Variants in HBQ1 observed in about 807,000 individuals in gnomAD.
HBQ1 encodes hemoglobin subunit theta 1, also known as hemoglobin subunit theta-1.
Under a neutral mutation model 8.2 loss-of-function variants are expected in HBQ1, and 9 were observed. The ratio of observed to expected loss-of-function variants is 1.10; its 90% CI spans 0.66 to 1.92. HBQ1 has a LOEUF of 1.92. Among genes scored for constraint, HBQ1 ranks in the 40% most tolerant of loss-of-function variants. HBQ1 has a pLI of 0.00. For synonymous variants in HBQ1, 102 were observed against 100.0 expected, an observed-to-expected ratio of 1.02 and a Z score of -0.12; for missense variants, 216 against 189.3, an observed-to-expected ratio of 1.14 and a Z score of -0.83.
rs1902245310 is a variant in HBQ1 at position 180,733 on chromosome 16, C to A, written c.163C>A (p.Gln55Lys). The change falls in exon 2 of 3, where the codon CAA becomes AAA. Residue 55 changes from glutamine (Q) to lysine (K), a missense_variant. Transcript: ENST00000199708. ...CCTGGACCTGAGCCCCGGCTCCTCA[C>A]AAGTCAGAGCCCACGGCCAGAAGGT... ...SHLDLSPGSS[Q>K]VRAHGQKVAD... 6.3e-6 allele frequency: 10 copies of A among 1,593,938 alleles called. No homozygotes were observed. Among genetic ancestry groups the A allele is most frequent in the Non-Finnish European group, 8.5e-6 (10 of 1,171,902 alleles).
Position 181,105 on chromosome 16 carries a change from C to T in HBQ1, c.426C>T (p.Arg142=). Residue 142 remains arginine (R), a synonymous_variant, in exon 3 of 3, where the codon CGC becomes CGT. Coordinates refer to ENST00000199708, the MANE Select transcript of HBQ1 (RefSeq NM_005331.5). ...HVISALVSEY[R] is the part of the protein sequence containing the mutation. ...TCTCGGCGCTGGTTTCCGAGTACCG[C>T]TGAACTGTGGGTGGGTGGCCGCGGG... The T allele has an allele frequency of 2.5e-6, 4 of 1,612,898 alleles. No homozygotes were observed. Among genetic ancestry groups the T allele is most frequent in the Non-Finnish European group, 3.4e-6 (4 of 1,179,740 alleles).
rs780729527 is a variant in HBQ1 at position 180,872 on chromosome 16, T to G, written c.300+2T>G. On this transcript the variant is annotated splice_donor_variant, in intron 2 of 2. Transcript: ENST00000199708. LOFTEE classifies it high-confidence loss of function. Reference sequence around the variant, plus strand: ...CGAGTGGACCCGGCCAGCTTCCAGGTGAGCGGCTGCCGTGCTGGGCCCCTG... The same window carrying G: ...CGAGTGGACCCGGCCAGCTTCCAGGGGAGCGGCTGCCGTGCTGGGCCCCTG... The G allele has an allele frequency of 2.0e-6, 3 of 1,531,940 alleles. No homozygotes were observed. Among genetic ancestry groups the G allele is most frequent in the Non-Finnish European group, 2.6e-6 (3 of 1,141,918 alleles). 94.9% of individuals were successfully genotyped at this position (1,531,940 alleles called of 1,614,324 possible).
rs768072211 is a variant in HBQ1 at position 181,157 on chromosome 16, G to A, written c.*49G>A. The A allele has an allele frequency of 1.9e-6, 3 of 1,604,032 alleles. No homozygotes were observed. The highest frequency in any genetic ancestry group is 2.6e-6 in the Non-Finnish European group (3 of 1,173,290). Reference sequence around the variant, plus strand: ...TCCCCAGGCGACCTTCCCCGTGTTTGAGTAAAGCCTCTCCCAGGAGCAGCC... The same window carrying A: ...TCCCCAGGCGACCTTCCCCGTGTTTAAGTAAAGCCTCTCCCAGGAGCAGCC... On this transcript the variant is annotated 3_prime_UTR_variant, in exon 3 of 3. Coordinates refer to ENST00000199708, the MANE Select transcript of HBQ1 (RefSeq NM_005331.5).
rs1484801434 is a variant in HBQ1 at position 180,822 on chromosome 16, G to C, written c.252G>C (p.Leu84=). The C allele has an allele frequency of 6.4e-7, 1 of 1,550,974 alleles. No individual in the cohort carries two copies. Among genetic ancestry groups the C allele is most frequent in the Non-Finnish European group, 8.7e-7 (1 of 1,152,292 alleles). ...LDDLPHALSA[L]SHLHACQLRV... is the part of the protein sequence containing the mutation. ...ACCTACCCCACGCGCTGTCCGCGCT[G>C]AGCCACCTGCACGCGTGCCAGCTGC... Residue 84 remains leucine (L), a synonymous_variant, in exon 2 of 3, where the codon CTG becomes CTC. Transcript: ENST00000199708.
Position 180,780 on chromosome 16 carries a change from C to A in HBQ1, c.210C>A (p.Ala70=), listed in dbSNP as rs1264644763. The stretch of plus-strand genomic sequence containing the variant: ...AGGTGGCGGACGCGCTGAGCCTCGC[C>A]GTGGAGCGCCTGGACGACCTACCCC... ...GQKVADALSL[A]VERLDDLPHA... Residue 70 remains alanine (A), a synonymous_variant, in exon 2 of 3, where the codon GCC becomes GCA. Transcript: ENST00000199708. 3 of 1,568,456 alleles carry A rather than the reference C, an allele frequency of 1.9e-6. No individual in the cohort carries two copies. Among genetic ancestry groups the A allele is most frequent in the Non-Finnish European group, 2.6e-6 (3 of 1,159,700 alleles).
Position 180,597 on chromosome 16 carries a change from C to T in HBQ1, c.95+16C>T. On this transcript the variant is annotated intron_variant, in intron 1 of 2. Transcript: ENST00000199708. Reference sequence around the variant, plus strand: ...CCCTGGAAAGGTGCGGCAGGCTGGGCGCCCCCGCCCCCAGGGGCCCTCCCT... The same window carrying T: ...CCCTGGAAAGGTGCGGCAGGCTGGGTGCCCCCGCCCCCAGGGGCCCTCCCT... The T allele has an allele frequency of 1.3e-6, 2 of 1,533,256 alleles. 1 individual carries two copies. Among genetic ancestry groups the T allele is most frequent in the Middle Eastern group, 3.9e-4 (2 of 5,152 alleles). The allele number at this position is 1,533,256 out of a possible 1,614,324, so 95.0% of individuals were successfully genotyped here.
chr16:180,537 G>C lies in HBQ1; in HGVS notation c.51G>C (p.Lys17Asn). ...CGCTGGTGCGCGCCCTGTGGAAGAA[G>C]CTGGGCAGCAACGTCGGCGTCTACA... is the stretch of plus-strand genomic sequence containing the variant. ...DRALVRALWKKLGSNVGVYTT... is the reference protein window; with the variant it reads ...DRALVRALWKNLGSNVGVYTT... The change falls in exon 1 of 3, where the codon AAG becomes AAC. Residue 17 changes from lysine (K) to asparagine (N), a missense_variant. By Grantham distance (94) the Lys-to-Asn change is moderately conservative (BLOSUM62 0). Transcript: ENST00000199708. The C allele has an allele frequency of 6.5e-7, 1 of 1,539,060 alleles. No homozygotes were observed. The highest frequency in any genetic ancestry group is 8.7e-7 in the Non-Finnish European group (1 of 1,145,888).
chr16:180,478 AGC>A lies in HBQ1; in HGVS notation c.-5_-4del. ...GGGGTCGCAGGGCGCGGCGGGTTCC[AGC>A]GCGGGGATGGCGCTGTCCGCGGAGG... is the stretch of plus-strand genomic sequence containing the variant. On this transcript the variant is annotated 5_prime_UTR_variant, in exon 1 of 3. Transcript: ENST00000199708. 1 of 1,483,648 alleles carries A rather than the reference AGC, an allele frequency of 6.7e-7. No homozygotes were observed. Among genetic ancestry groups the A allele is most frequent in the Middle Eastern group, 2.4e-4 (1 of 4,182 alleles). The allele number at this position is 1,483,648 out of a possible 1,614,324, so 91.9% of individuals were successfully genotyped here. A position where few individuals can be genotyped will look rare whatever the true frequency, so the allele number is the denominator to read the frequency against.
Position 180,864 on chromosome 16 carries a change from C to T in HBQ1, c.294C>T (p.Ser98=). 1 of 1,534,458 alleles carries T rather than the reference C, an allele frequency of 6.5e-7. No homozygotes were observed. Among genetic ancestry groups the T allele is most frequent in the Non-Finnish European group, 8.7e-7 (1 of 1,143,034 alleles). ...HACQLRVDPA[S]FQLLGHCLLV... is the part of the protein sequence containing the mutation. ...GCCAGCTGCGAGTGGACCCGGCCAG[C>T]TTCCAGGTGAGCGGCTGCCGTGCTG... Residue 98 remains serine, a synonymous_variant, in exon 2 of 3, where the codon AGC becomes AGT. Transcript: ENST00000199708.
At chr16:180,632 C>T (rs1007598723) in intron 1 of HBQ1, 34 bp from the exon 2 acceptor site, 4 of 1,536,516 alleles carry the variant, frequency 2.6e-6, no homozygotes, top group African/African-American at 1.4e-5. Context: ...TCCCCAAGCC[C>T]CCCGGACGCG....
At position 180,836 on chromosome 16, in the gene HBQ1, C is replaced by T; in HGVS notation, c.266C>T (p.Ala89Val). 1 of 1,545,696 alleles carries T rather than the reference C, an allele frequency of 6.5e-7. No individual in the cohort carries two copies. ...HALSALSHLH[A>V]CQLRVDPASF... is the part of the protein sequence containing the mutation. ...CTGTCCGCGCTGAGCCACCTGCACG[C>T]GTGCCAGCTGCGAGTGGACCCGGCC... The change falls in exon 2 of 3, where the codon GCG (alanine) becomes GTG (valine). Residue 89 changes from alanine to valine, a missense_variant. Transcript: ENST00000199708.
At position 180,876 on chromosome 16, in the gene HBQ1, C is replaced by A; in HGVS notation, c.300+6C>A. On this transcript the variant is annotated splice_donor_region_variant and intron_variant, in intron 2 of 2. Transcript: ENST00000199708. ...TGGACCCGGCCAGCTTCCAGGTGAG[C>A]GGCTGCCGTGCTGGGCCCCTGTCCC... The A allele has an allele frequency of 6.5e-7, 1 of 1,530,040 alleles. No individual in the cohort carries two copies. Among genetic ancestry groups the A allele is most frequent in the Non-Finnish European group, 8.8e-7 (1 of 1,140,958 alleles). The allele number at this position is 1,530,040 out of a possible 1,614,324, so 94.8% of individuals were successfully genotyped here. A position where few individuals can be genotyped will look rare whatever the true frequency, so the allele number is the denominator to read the frequency against.
intron 1 of HBQ1, 29 bp downstream of exon 1, chr16:180,610 A>G: frequency 6.4e-6 from 9 of 1,408,664 alleles, no homozygotes; most frequent in African/African-American, 1.4e-5. Context: ...CCCCGCCCCC[A>G]GGGGCCCTCC....
rs1320068343 is a variant in HBQ1 at position 180,920 on chromosome 16, GT to G, written c.300+51del. ...CTGTCCCCGGGAGGGCCCCGGCGGG[GT>G]GGGTGCGGGGGGCGTGCGGGGCGGG... On this transcript the variant is annotated intron_variant, in intron 2 of 2. Transcript: ENST00000199708. 2.0e-6 allele frequency: 3 copies of G among 1,510,570 alleles called. No homozygotes were observed. In the Admixed American group the frequency reaches 6.3e-5, roughly 32 times the overall value. 93.6% of individuals were successfully genotyped at this position (1,510,570 alleles called of 1,614,324 possible).
chr16:180,902 C>A, intron 2 of HBQ1, 32 bp downstream of exon 2: 1 of 1,513,056 alleles, frequency 6.6e-7, no homozygotes, highest in African/African-American at 1.4e-5. Context: ...CCCCTGTCCC[C>A]GGGAGGGCCC....
At position 180,554 on chromosome 16, in the gene HBQ1, G is replaced by C; in HGVS notation, c.68G>C (p.Gly23Ala). ...ALWKKLGSNV[G>A]VYTTEALERT... ...TGGAAGAAGCTGGGCAGCAACGTCG[G>C]CGTCTACACGACAGAGGCCCTGGAA... The change falls in exon 1 of 3, where the codon GGC becomes GCC. Residue 23 changes from glycine (G) to alanine (A), a missense_variant. By Grantham distance (60) the Gly-to-Ala change is moderately conservative. Transcript: ENST00000199708. 2 of 1,540,416 alleles carry C rather than the reference G, an allele frequency of 1.3e-6. No homozygotes were observed. The highest frequency in any genetic ancestry group is 1.7e-6 in the Non-Finnish European group (2 of 1,145,970).
In HBQ1 at chr16:180,765, C is replaced by T. The variant is rs762914485; in HGVS notation, c.195C>T (p.Asp65=). 5 of 1,576,664 alleles carry T rather than the reference C, an allele frequency of 3.2e-6. No homozygotes were observed. The highest frequency in any genetic ancestry group is 2.3e-5 in the East Asian group (1 of 42,622). ...QVRAHGQKVA[D]ALSLAVERLD... The stretch of plus-strand genomic sequence containing the variant: ...GAGCCCACGGCCAGAAGGTGGCGGA[C>T]GCGCTGAGCCTCGCCGTGGAGCGCC... Residue 65 remains aspartate, a synonymous_variant, in exon 2 of 3, where the codon GAC becomes GAT. Transcript: ENST00000199708.
rs1435693615 is a variant in HBQ1 at position 180,976 on chromosome 16, G to A, written c.301-4G>A. 28 of 1,603,922 alleles carry A rather than the reference G, an allele frequency of 1.7e-5. No homozygotes were observed. In the East Asian group the frequency reaches 3.6e-4, roughly 21 times the overall value. The stretch of plus-strand genomic sequence containing the variant: ...GGCGAGTGAGCCTTGAGCGCTCGCC[G>A]CAGCTCCTGGGCCACTGCCTGCTGG... On this transcript the variant is annotated splice_polypyrimidine_tract_variant and splice_region_variant and intron_variant, in intron 2 of 2. Coordinates refer to ENST00000199708, the MANE Select transcript of HBQ1 (RefSeq NM_005331.5).
chr16:180,556 G>C lies in HBQ1; in HGVS notation c.70G>C (p.Val24Leu), dbSNP rs939536278. The C allele has an allele frequency of 1.9e-6, 3 of 1,540,376 alleles. No homozygotes were observed. The highest frequency in any genetic ancestry group is 2.8e-5 in the African/African-American group (2 of 72,724). ...GAAGAAGCTGGGCAGCAACGTCGGC[G>C]TCTACACGACAGAGGCCCTGGAAAG... ...LWKKLGSNVG[V>L]YTTEALERTF... The change falls in exon 1 of 3, where the codon GTC becomes CTC. Residue 24 changes from valine (V) to leucine (L), a missense_variant. Coordinates refer to ENST00000199708, the MANE Select transcript of HBQ1 (RefSeq NM_005331.5).
Sources: gnomAD v4.1 joint callset for allele counts on GRCh38, gnomAD v4.1.1 for gene constraint, MANE v1.5 for transcripts, NCBI Gene and HGNC (gene_info 2026-07-23, HGNC 2026-07-21) for gene names.